Variants in AKAP9 observed in about 807,000 individuals in gnomAD.
AKAP9 encodes A-kinase anchoring protein 9.
Under a neutral mutation model 488.5 loss-of-function variants are expected in AKAP9, and 311 were observed. The ratio of observed to expected loss-of-function variants is 0.64; its 90% CI spans 0.58 to 0.70. The LOEUF (loss-of-function observed/expected upper bound fraction) is 0.70. Ranked by LOEUF, AKAP9 falls within the 30% of genes least tolerant of loss-of-function variation. The probability of loss-of-function intolerance (pLI) is 0.00; values close to 1 mark genes in which losing one functional copy is unlikely to be tolerated. For synonymous variants in AKAP9, 1,462 were observed against 1,483.5 expected (o/e 0.99, Z 0.33); for missense variants, 4,215 against 4,374.5 (o/e 0.96, Z 1.03).
intron 1 of AKAP9, among the ~76,000 whole-genome samples, chr7:91,942,051 G>C (rs538482222): frequency 3.9e-5 from 6 of 152,214 alleles, no homozygotes; most frequent in African/African-American, 1.4e-4. Flanking sequence ...TTACATATTT[G>C]AGCATATATT....
In AKAP9 at chr7:91,988,535, A is replaced by G. The variant is rs771260184; in HGVS notation, c.352-3623A>G. 2.6e-5 allele frequency among the ~76,000 whole-genome samples: 4 copies of G among 152,312 alleles called. No homozygotes were observed. In the South Asian group the frequency reaches 6.2e-4, roughly 24 times the overall value. ...AACATTATAACTTCACTGCAATGCCATATTTGCAAAGTTTAATAATCTTGG... is the reference window on the plus strand; with the variant it reads ...AACATTATAACTTCACTGCAATGCCGTATTTGCAAAGTTTAATAATCTTGG... On this transcript the variant is annotated intron_variant, in intron 3 of 49. Transcript: ENST00000356239.
Position 92,011,872 on chromosome 7 carries a change from G to A in AKAP9, c.3319-557G>A, listed in dbSNP as rs187096551. On this transcript the variant is annotated intron_variant, in intron 8 of 49. Transcript: ENST00000356239. ...CTCATACCTGTAATCCCAGCACTTTGGGAGGATTGCATGAGCCCAGGAGTT... is the reference window on the plus strand; with the variant it reads ...CTCATACCTGTAATCCCAGCACTTTAGGAGGATTGCATGAGCCCAGGAGTT... Among the ~76,000 whole-genome samples, 731 of 152,288 alleles carry A rather than the reference G, an allele frequency of 4.8e-3. 5 individuals are homozygous for A. Among genetic ancestry groups the A allele is most frequent in the Middle Eastern group, 0.014 (4 of 294 alleles).
intron 7 of AKAP9, 69 bp downstream of exon 7, chr7:91,995,869 G>GTT: frequency 1.7e-6 from 2 of 1,158,516 alleles, no homozygotes; most frequent in Non-Finnish European, 2.4e-6. Flanking sequence ...TATGCAAGTG[G>GTT]TTTTTTTTTG....
At position 92,022,355 on chromosome 7, in the gene AKAP9, A is replaced by T; in HGVS notation, c.3952+3A>T. 1 of 1,579,352 alleles carries T rather than the reference A, an allele frequency of 6.3e-7. No homozygotes were observed. Among genetic ancestry groups the T allele is most frequent in the Non-Finnish European group, 8.7e-7 (1 of 1,148,688 alleles). On this transcript the variant is annotated splice_donor_region_variant and intron_variant, in intron 13 of 49. Transcript: ENST00000356239. ...GATGACCAATTTGGAAGACATTGGT[A>T]AATTTTGATCATATACCACAATGTG... is the stretch of plus-strand genomic sequence containing the variant.
intron 16 of AKAP9, among the ~76,000 whole-genome samples, chr7:92,033,880 A>G (rs528138462): frequency 5.9e-5 from 9 of 152,350 alleles, no homozygotes; most frequent in African/African-American, 2.2e-4. Context: ...ACTGTTAAGC[A>G]ATGTTCTGGG....
intron 32 of AKAP9, 143 bp downstream of exon 32, chr7:92,082,805 ATTG>A (rs2130869033): frequency 9.7e-7 from 1 of 1,035,472 alleles, no homozygotes; most frequent in South Asian, 1.6e-5. Context: ...GAAAACTTTC[ATTG>A]TTATAAATTT....
chr7:92,042,096 T>G lies in AKAP9; in HGVS notation c.4968T>G (p.Leu1656=). The part of the protein sequence containing the change: ...ENLVSERERV[L]LEELEALKQL... ...TGGTTTCAGAGAGAGAGAGGGTGCT[T>G]TTAGAGGAGCTGGAAGCACTAAAGC... Residue 1656 remains leucine (L), a synonymous_variant, in exon 19 of 50, where the codon CTT becomes CTG. Transcript: ENST00000356239. 1 of 1,613,948 alleles carries G rather than the reference T, an allele frequency of 6.2e-7. No individual in the cohort carries two copies. Among genetic ancestry groups the G allele is most frequent in the Non-Finnish European group, 8.5e-7 (1 of 1,179,948 alleles).
At chr7:91,991,471 TC>T (rs1797743649) in intron 3 of AKAP9, among the ~76,000 whole-genome samples, 1 of 147,634 alleles carries the variant, frequency 6.8e-6, no homozygotes, top group African/African-American at 2.5e-5. Context: ...TGGGAAGAAC[TC>T]TTTTTTTTTT....
At chr7:91,956,906 A>G (rs1244354283) in intron 1 of AKAP9, among the ~76,000 whole-genome samples, 3 of 152,190 alleles carry the variant, frequency 2.0e-5, no homozygotes, top group Admixed American at 6.5e-5. Flanking sequence ...CTTTTTGTGG[A>G]TAAAAGTAGT....
At chr7:92,023,132 G>C in intron 14 of AKAP9, 123 bp downstream of exon 14, 1 of 965,286 alleles carries the variant, frequency 1.0e-6, no homozygotes, top group South Asian at 1.3e-5. Flanking sequence ...ATAGGATGTA[G>C]CATTTTTTAG....
intron 22 of AKAP9, chr7:92,058,402 C>G: frequency 3.7e-6 from 2 of 538,950 alleles, no homozygotes; most frequent in Non-Finnish European, 7.5e-6. Flanking sequence ...CACTGCCTAC[C>G]CCTCCTTATT....
At chr7:91,970,996 G>T (rs1795008912) in intron 1 of AKAP9, among the ~76,000 whole-genome samples, 1 of 151,860 alleles carries the variant, frequency 6.6e-6, no homozygotes, top group African/African-American at 2.4e-5. Context: ...GCGGTGACAT[G>T]GTACCAAAAA....
At chr7:91,960,769 C>T (rs1415101588) in intron 1 of AKAP9, among the ~76,000 whole-genome samples, 1 of 152,180 alleles carries the variant, frequency 6.6e-6, no homozygotes, top group Non-Finnish European at 1.5e-5. Flanking sequence ...GCATGATGGG[C>T]AGTCAATAAA....
chr7:92,062,490 A>C lies in AKAP9; in HGVS notation c.5977+4A>C. 6.2e-7 allele frequency: 1 copy of C among 1,611,944 alleles called. No individual in the cohort carries two copies. Among genetic ancestry groups the C allele is most frequent in the South Asian group, 1.1e-5 (1 of 91,044 alleles). On this transcript the variant is annotated splice_donor_region_variant and intron_variant, in intron 24 of 49. Coordinates refer to ENST00000356239, the MANE Select transcript of AKAP9 (RefSeq NM_005751.5). ...GAGGCAGGCCCAGTTGAACAACGTA[A>C]GTATTTTCAGAATTTGTATGAAACA... is the stretch of plus-strand genomic sequence containing the variant.
chr7:92,011,981 G>T (rs190635799), intron 8 of AKAP9, among the ~76,000 whole-genome samples: 65 of 152,248 alleles, frequency 4.3e-4, no homozygotes, highest in African/African-American at 1.5e-3. Context: ...TGCACCAGTA[G>T]TCCTAACTAC....
At chr7:92,077,621 G>T in intron 29 of AKAP9, 75 bp from the exon 30 acceptor site, 1 of 1,282,452 alleles carries the variant, frequency 7.8e-7, no homozygotes, top group Admixed American at 1.7e-5. Context: ...TATAGGCTCT[G>T]ATTTCTTTTG....
At chr7:92,059,904 A>T (rs1481962622) in intron 22 of AKAP9, among the ~76,000 whole-genome samples, 2 of 151,932 alleles carry the variant, frequency 1.3e-5, no homozygotes, top group African/African-American at 4.8e-5. Context: ...AGATAACAAC[A>T]TATTATCATG....
intron 39 of AKAP9, 132 bp from the exon 40 acceptor site, chr7:92,094,887 ATCTT>A: frequency 9.8e-6 from 7 of 717,486 alleles, no homozygotes; most frequent in Non-Finnish European, 1.7e-5. Flanking sequence ...CCAGTCAAGA[ATCTT>A]TAATAGTTTA....
intron 22 of AKAP9, among the ~76,000 whole-genome samples, chr7:92,055,189 A>T (rs1339449424): frequency 6.6e-6 from 1 of 152,104 alleles, no homozygotes; most frequent in African/African-American, 2.4e-5. Flanking sequence ...ACTTGTTTTT[A>T]AGAATTACAG....
Sources: allele counts gnomAD v4.1 joint callset (sites outside exome capture counted in the v4.1 genomes callset), GRCh38; gene constraint gnomAD v4.1.1; transcripts MANE v1.5; gene names NCBI Gene and HGNC (gene_info 2026-07-23, HGNC 2026-07-21).